Variants in CFTR observed in about 807,000 individuals in gnomAD.
CFTR encodes cystic fibrosis transmembrane conductance regulator.
A neutral mutation model predicts 171.6 loss-of-function variants in CFTR; 181 were observed. The observed-to-expected ratio is 1.05, with a 90% CI of 0.93 to 1.19. The LOEUF (loss-of-function observed/expected upper bound fraction) is 1.19. Among genes scored for constraint, CFTR ranks in the 50% most tolerant of loss-of-function variants. The pLI is 0.00. For synonymous variants in CFTR, 583 were observed against 608.0 expected (o/e 0.96, Z 0.60); for missense variants, 1,968 against 1,734.7 (o/e 1.13, Z -2.39).
At chr7:117,496,057 A>G (rs868715463) in intron 1 of CFTR, among the ~76,000 whole-genome samples, 2 of 152,166 alleles carry the variant, frequency 1.3e-5, no homozygotes, top group African/African-American at 4.8e-5. Context: ...GCCCTAGACA[A>G]CTACAAATGT....
chr7:117,575,363 A>G (rs376575323), intron 11 of CFTR, among the ~76,000 whole-genome samples: 53 of 152,248 alleles, frequency 3.5e-4, no homozygotes, highest in African/African-American at 1.2e-3. Context: ...GTAAGATGCT[A>G]TATATTTTCA....
chr7:117,655,425 A>T (rs759822393), intron 24 of CFTR, among the ~76,000 whole-genome samples: 1 of 152,096 alleles, frequency 6.6e-6, no homozygotes, highest in Non-Finnish European at 1.5e-5. Flanking sequence ...CATGTTCCTC[A>T]TTTCCATCTG....
chr7:117,590,694 A>C (rs1031159014), intron 13 of CFTR, among the ~76,000 whole-genome samples: 4 of 152,040 alleles, frequency 2.6e-5, no homozygotes, highest in African/African-American at 4.8e-5. Context: ...AGCAATTGCT[A>C]TCTATGTAGT....
chr7:117,603,460 T>C, intron 16 of CFTR, 72 bp from the exon 17 acceptor site: 3 of 1,569,144 alleles, frequency 1.9e-6, no homozygotes, highest in Admixed American at 1.7e-5. Flanking sequence ...CAAGTTTAGT[T>C]CCATTTACAT....
chr7:117,640,059 G>A (rs1048571923), intron 22 of CFTR, among the ~76,000 whole-genome samples: 35 of 152,070 alleles, frequency 2.3e-4, no homozygotes, highest in Admixed American at 1.3e-4. Context: ...ATATTATTTT[G>A]ATTTATCTTG....
At chr7:117,617,674 C>T (rs1229337655) in intron 21 of CFTR, among the ~76,000 whole-genome samples, 3 of 152,016 alleles carry the variant, frequency 2.0e-5, no homozygotes, top group Non-Finnish European at 4.4e-5. Context: ...TCCTCATGCA[C>T]CACCTTCTGC....
Position 117,667,560 on chromosome 7 carries a change from A to C in CFTR, c.*452A>C. On this transcript the variant is annotated 3_prime_UTR_variant, in exon 27 of 27. Transcript: ENST00000003084. ...AACTGGAAACTTCAGCGGTTTATAT[A>C]AGCTTGTATTCCTTTTTCTCTCCTC... 3.7e-6 allele frequency: 1 copy of C among 269,368 alleles called. No homozygotes were observed. The highest frequency in any genetic ancestry group is 4.3e-5 in the South Asian group (1 of 23,434). The allele number at this position is 269,368 out of a possible 1,614,324, so 16.7% of individuals were successfully genotyped here. A position where few individuals can be genotyped will look rare whatever the true frequency, so the allele number is the denominator to read the frequency against.
At chr7:117,617,323 G>C (rs1792506319) in intron 21 of CFTR, among the ~76,000 whole-genome samples, 1 of 150,928 alleles carries the variant, frequency 6.6e-6, no homozygotes, top group African/African-American at 2.4e-5. Flanking sequence ...ATGCCCAAGT[G>C]CCTAGCTTTC....
chr7:117,627,541 T>G lies in CFTR; in HGVS notation c.3488T>G (p.Val1163Gly), dbSNP rs776696255. The G allele has an allele frequency of 7.4e-6, 12 of 1,613,030 alleles. No homozygotes were observed. Among genetic ancestry groups the G allele is most frequent in the Non-Finnish European group, 1.0e-5 (12 of 1,179,398 alleles). ...VDSLMRSVSRVFKFIDMPTEG... is the reference protein window; with the variant it reads ...VDSLMRSVSRGFKFIDMPTEG... ...TTTCAGATGCGATCTGTGAGCCGAG[T>G]CTTTAAGTTCATTGACATGCCAACA... The change falls in exon 22 of 27, where the codon GTC (valine) becomes GGC (glycine). Residue 1163 changes from valine to glycine, a missense_variant. Val to Gly is a moderately radical substitution (Grantham distance 109). Coordinates refer to ENST00000003084, the MANE Select transcript of CFTR (RefSeq NM_000492.4).
intron 3 of CFTR, among the ~76,000 whole-genome samples, chr7:117,523,544 A>T (rs965438880): frequency 2.6e-5 from 4 of 151,872 alleles, no homozygotes; most frequent in East Asian, 3.9e-4. Flanking sequence ...GCCCAGCTAA[A>T]TTTTTTGTAT....
intron 11 of CFTR, among the ~76,000 whole-genome samples, chr7:117,567,196 C>T (rs35345004): frequency 9.8e-5 from 15 of 152,296 alleles, no homozygotes; most frequent in African/African-American, 3.4e-4. Context: ...CTCGACTCTA[C>T]ACTCTTAGCG....
intron 8 of CFTR, among the ~76,000 whole-genome samples, chr7:117,540,609 G>A (rs908633714): frequency 6.6e-6 from 1 of 152,164 alleles, no homozygotes; most frequent in Non-Finnish European, 1.5e-5. Context: ...TAGCAGCTTT[G>A]AGAAATTCTA....
intron 18 of CFTR, among the ~76,000 whole-genome samples, chr7:117,609,260 A>G (rs1267647649): frequency 1.3e-5 from 2 of 152,092 alleles, no homozygotes; most frequent in Non-Finnish European, 1.5e-5. Context: ...GATTCCCACT[A>G]TTTTACCTTG....
chr7:117,643,309 C>G (rs1178066483), intron 23 of CFTR, among the ~76,000 whole-genome samples: 1 of 152,108 alleles, frequency 6.6e-6, no homozygotes, highest in Admixed American at 6.6e-5. Context: ...GGTATATTCA[C>G]ATTTAATGAT....
chr7:117,652,708 T>G (rs2116194945), intron 23 of CFTR, 134 bp from the exon 24 acceptor site: 1 of 559,234 alleles, frequency 1.8e-6, no homozygotes, highest in East Asian at 3.0e-5. Flanking sequence ...TTGAGAGAAC[T>G]TGATGGTAAG....
At chr7:117,551,023 A>T (rs1359134931) in intron 10 of CFTR, among the ~76,000 whole-genome samples, 1 of 152,242 alleles carries the variant, frequency 6.6e-6, no homozygotes, top group Non-Finnish European at 1.5e-5. Flanking sequence ...CACTCAATAC[A>T]ATTTGGTAAT....
intron 22 of CFTR, among the ~76,000 whole-genome samples, chr7:117,628,703 G>C (rs1479337232): frequency 2.0e-5 from 3 of 151,902 alleles, no homozygotes; most frequent in Non-Finnish European, 4.4e-5. Flanking sequence ...TTTTGCCCAT[G>C]GATTTTAGAA....
At chr7:117,496,961 T>C (rs1173504047) in intron 1 of CFTR, among the ~76,000 whole-genome samples, 1 of 152,156 alleles carries the variant, frequency 6.6e-6, no homozygotes, top group Admixed American at 6.5e-5. Context: ...CTTTTCATTT[T>C]CTTGATGGTG....
chr7:117,570,265 C>T (rs1791669748), intron 11 of CFTR, among the ~76,000 whole-genome samples: 2 of 151,824 alleles, frequency 1.3e-5, no homozygotes, highest in Admixed American at 6.6e-5. Context: ...ACAGAAGGTC[C>T]TCCACTAACT....
Sources: gnomAD v4.1 joint callset for allele counts (sites outside exome capture counted in the v4.1 genomes callset) on GRCh38, gnomAD v4.1.1 for gene constraint, MANE v1.5 for transcripts, NCBI Gene and HGNC (gene_info 2026-07-23, HGNC 2026-07-21) for gene names.